SRPRA: variants seen among roughly 807,000 people sequenced by gnomAD.
SRPRA encodes signal recognition particle receptor subunit alpha.
In SRPRA, 30 loss-of-function variants were observed where a neutral mutation model predicts 61.1. The observed-to-expected ratio is 0.49, with a 90% CI of 0.37 to 0.67. SRPRA has a LOEUF of 0.67. Among genes scored for constraint, SRPRA ranks in the 30% least tolerant of loss-of-function variants. The pLI, the probability that SRPRA is intolerant of heterozygous loss-of-function variation, is 0.00. For missense variants in SRPRA, 759 were observed against 828.4 expected, an observed-to-expected ratio of 0.92 and a Z score of 1.03; for synonymous variants, 324 against 299.7, an observed-to-expected ratio of 1.08 and a Z score of -0.84.
At chr11:126,260,027 A>G (rs1950655691), downstream of SRPRA, among the ~76,000 whole-genome samples, 1 of 151,578 alleles carries the variant, frequency 6.6e-6, no homozygotes, top group Non-Finnish European at 1.5e-5. Flanking sequence ...CTTTATTTTT[A>G]TTTTATTATT....
chr11:126,251,336 C>G, the SRPRA span, among the ~76,000 whole-genome samples: 1 of 152,190 alleles, frequency 6.6e-6, no homozygotes, highest in Non-Finnish European at 1.5e-5. Flanking sequence ...CTTTGTTTTC[C>G]TCAGGAATCT....
chr11:126,236,625 G>T, the SRPRA span, among the ~76,000 whole-genome samples: 3 of 152,186 alleles, frequency 2.0e-5, no homozygotes, highest in East Asian at 5.8e-4. Context: ...CCTTCACTTT[G>T]GAGAAGTTGA....
chr11:126,251,441 A>T, the SRPRA span, among the ~76,000 whole-genome samples: 8 of 152,358 alleles, frequency 5.3e-5, no homozygotes, highest in African/African-American at 1.7e-4. Context: ...CCCCTGCCAG[A>T]GTGGTAGCTG....
chr11:126,250,635 G>T, the SRPRA span: 2 of 1,614,072 alleles, frequency 1.2e-6, no homozygotes, highest in Non-Finnish European at 1.7e-6. The surrounding 1 kb of genome is among the most constrained non-coding windows in gnomAD (Gnocchi z 5.1). Flanking sequence ...GGAAAATGGA[G>T]CCCTCGTATT....
At chr11:126,259,377 G>GTT (rs1950634721), downstream of SRPRA, among the ~76,000 whole-genome samples, 8 of 148,794 alleles carry the variant, frequency 5.4e-5, no homozygotes, top group Admixed American at 4.7e-4. Flanking sequence ...GTGGGAAAAA[G>GTT]AAAAATAATT....
At chr11:126,242,128 C>A in the SRPRA span, among the ~76,000 whole-genome samples, 5 of 151,558 alleles carry the variant, frequency 3.3e-5, no homozygotes, top group East Asian at 7.7e-4. Flanking sequence ...AAATATGATA[C>A]CTAAAACTGT....
At position 126,265,721 on chromosome 11, in the gene SRPRA, T is replaced by C; in HGVS notation, c.1138+16A>G. On this transcript the variant is annotated intron_variant, in intron 9 of 13. Transcript: ENST00000332118. The surrounding 1 kb of genome is among the most constrained non-coding windows in gnomAD (Gnocchi z 6.3). The stretch of plus-strand genomic sequence containing the variant: ...AACCTACACATAAGCACTTTCTCAC[T>C]TAGGTAAGTACTTACTGCTGAACGT... The C allele has an allele frequency of 6.2e-7, 1 of 1,613,212 alleles. No individual in the cohort carries two copies. The highest frequency in any genetic ancestry group is 1.3e-5 in the African/African-American group (1 of 75,036).
chr11:126,250,668 T>G, the SRPRA span: 1 of 1,614,072 alleles, frequency 6.2e-7, no homozygotes, highest in Non-Finnish European at 8.5e-7. The surrounding 1 kb of genome is among the most constrained non-coding windows in gnomAD (Gnocchi z 5.1). Flanking sequence ...TGATAATCTC[T>G]TGGAACTGTA....
the SRPRA span, chr11:126,250,360 G>T: frequency 9.1e-5 from 54 of 593,484 alleles, no homozygotes; most frequent in Admixed American, 1.5e-4. The surrounding 1 kb of genome is among the most constrained non-coding windows in gnomAD (Gnocchi z 5.1). Context: ...CAAAGTGCTG[G>T]GATTACAGGC....
the SRPRA span, among the ~76,000 whole-genome samples, chr11:126,252,096 C>T: frequency 6.6e-6 from 1 of 152,164 alleles, no homozygotes. The surrounding 1 kb of genome is among the most constrained non-coding windows in gnomAD (Gnocchi z 4.7). Flanking sequence ...AAGCGATTCT[C>T]CTGCCTCAGC....
At position 126,265,086 on chromosome 11, in the gene SRPRA, A is replaced by G. The variant is rs777359840; in HGVS notation, c.1398T>C (p.Arg466=). ...GGGCACTCAAACGCCGGGTGTGTGT[A>G]CGCAGCTGCTCCACGGCCCCAGCAC... ...TFRAGAVEQL[R]THTRRLSALH... The change falls in exon 11 of 14, where the codon CGT becomes CGC. Residue 466 remains arginine (R), a synonymous_variant. Coordinates refer to ENST00000332118, the MANE Select transcript of SRPRA (RefSeq NM_003139.4). This position sits in a 1 kb window ranked among gnomAD's most constrained non-coding sequence, Gnocchi z 6.3. The G allele has an allele frequency of 2.5e-6, 4 of 1,614,020 alleles. No individual in the cohort carries two copies. The highest frequency in any genetic ancestry group is 1.7e-5 in the Admixed American group (1 of 59,996).
At position 126,267,121 on chromosome 11, in the gene SRPRA, A is replaced by G. The variant is rs1305631248; in HGVS notation, c.526+54T>C. 1.5e-5 allele frequency: 24 copies of G among 1,606,322 alleles called. No individual in the cohort carries two copies. The highest frequency in any genetic ancestry group is 2.0e-5 in the Non-Finnish European group (23 of 1,175,778). ...AAAAGGAAGGACCACCTCAGTCCTT[A>G]GCACCGTGTTAACACCTTTCATGTC... On this transcript the variant is annotated intron_variant, in intron 4 of 13. Coordinates refer to ENST00000332118, the MANE Select transcript of SRPRA (RefSeq NM_003139.4). This position sits in a 1 kb window ranked among gnomAD's most constrained non-coding sequence, Gnocchi z 4.2.
chr11:126,267,182 C>T lies in SRPRA; in HGVS notation c.519G>A (p.Lys173=). The change falls in exon 4 of 14, where the codon AAG becomes AAA. Residue 173 remains lysine, a synonymous_variant. Coordinates refer to ENST00000332118, the MANE Select transcript of SRPRA (RefSeq NM_003139.4). This position sits in a 1 kb window ranked among gnomAD's most constrained non-coding sequence, Gnocchi z 4.2. ...KAKNSKKKGA[K]KEGSDGPLAT... ...CAAAGAACTCAAACTTGCCTTCCTT[C>T]TTGGCCCCCTTTTTTTTGCTATTCT... The T allele has an allele frequency of 1.2e-6, 2 of 1,614,120 alleles. No homozygotes were observed. The highest frequency in any genetic ancestry group is 1.7e-6 in the Non-Finnish European group (2 of 1,180,020).
downstream of SRPRA, chr11:126,262,307 C>T (rs1185150411): frequency 7.1e-6 from 4 of 563,008 alleles, no homozygotes; most frequent in African/African-American, 7.8e-5. Flanking sequence ...TTCATACCAC[C>T]TGGTTCTTGA....
intron 1 of SRPRA, among the ~76,000 whole-genome samples, chr11:126,268,431 G>T (rs530852841): frequency 2.6e-4 from 40 of 152,310 alleles, no homozygotes; most frequent in African/African-American, 9.1e-4. Context: ...AGCTGCTGGG[G>T]ATAAATAGAG....
At chr11:126,247,719 G>T in the SRPRA span, among the ~76,000 whole-genome samples, 1 of 151,838 alleles carries the variant, frequency 6.6e-6, no homozygotes, top group African/African-American at 2.4e-5. Context: ...TTAGCCTGGC[G>T]TGGTGGCAGG....
chr11:126,256,876 G>A, the SRPRA span: 1 of 1,589,800 alleles, frequency 6.3e-7, no homozygotes, highest in Non-Finnish European at 8.6e-7. The surrounding 1 kb of genome is among the most constrained non-coding windows in gnomAD (Gnocchi z 6.6). Flanking sequence ...TGAAGCTGAG[G>A]GGAATCAGAG....
In SRPRA at chr11:126,266,876, C is replaced by T. The variant is rs1385367367; in HGVS notation, c.573G>A (p.Lys191=). Reference sequence around the variant, plus strand: ...TCTCAGGACCCACTGGAAGACCTGACTTTTCTGCAGGGACTGGTTTGCTGG... The same window carrying T: ...TCTCAGGACCCACTGGAAGACCTGATTTTTCTGCAGGGACTGGTTTGCTGG... ...LATSKPVPAE[K]SGLPVGPENG... The change falls in exon 5 of 14, where the codon AAG becomes AAA. Residue 191 remains lysine (K), a synonymous_variant. Transcript: ENST00000332118. 5.6e-6 allele frequency: 9 copies of T among 1,614,108 alleles called. No homozygotes were observed. The highest frequency in any genetic ancestry group is 6.8e-6 in the Non-Finnish European group (8 of 1,180,050).
In SRPRA at chr11:126,263,868, G is replaced by A. The variant is rs752851260; in HGVS notation, c.*48C>T. The A allele has an allele frequency of 4.4e-6, 7 of 1,608,126 alleles. No individual in the cohort carries two copies. The highest frequency in any genetic ancestry group is 1.3e-5 in the African/African-American group (1 of 74,860). On this transcript the variant is annotated 3_prime_UTR_variant, in exon 14 of 14. Transcript: ENST00000332118. ...CTAAAGCACATTCTTGATACAGGAA[G>A]AAGGGCTTGTGGGGAAAGCGGCGAT...
Sources: gnomAD v4.1 joint callset for allele counts (sites outside exome capture counted in the v4.1 genomes callset) on GRCh38, gnomAD v4.1.1 for gene constraint, Gnocchi (gnomAD v3.1) non-coding constraint, MANE v1.5 for transcripts, NCBI Gene and HGNC (gene_info 2026-07-23, HGNC 2026-07-21) for gene names.